The following TTC28 variants were observed in gnomAD, a reference collection of about 807,000 sequenced individuals.
TTC28 encodes the protein tetratricopeptide repeat domain 28.
Under a neutral mutation model 198.0 loss-of-function variants are expected in TTC28, and 61 were observed. The ratio of observed to expected loss-of-function variants is 0.31; its 90% CI spans 0.25 to 0.38. The LOEUF (loss-of-function observed/expected upper bound fraction) is 0.38, where lower values mean the gene tolerates loss of function less well. Ranked by LOEUF, TTC28 falls within the 10% of genes least tolerant of loss-of-function variation. TTC28 has a pLI of 1.00. For missense variants in TTC28, 2,678 were observed against 3,164.0 expected (o/e 0.85, Z 3.69); for synonymous variants, 1,171 against 1,297.8 (o/e 0.90, Z 2.10).
rs972779845 is a variant in TTC28 at position 28,168,886 on chromosome 22, C to A, written c.934-5287G>T. On this transcript the variant is annotated intron_variant, in intron 5 of 22. Coordinates refer to ENST00000397906, the MANE Select transcript of TTC28 (RefSeq NM_001145418.2). The stretch of plus-strand genomic sequence containing the variant: ...AAACTACCATCAGAGTGAACAGGCA[C>A]CCTACAGAATGGGAGAAAATTTTTG... Among the ~76,000 whole-genome samples the A allele has an allele frequency of 1.1e-3, 166 of 152,142 alleles. 1 individual carries two copies. Among genetic ancestry groups the A allele is most frequent in the Admixed American group, 1.3e-3 (20 of 15,276 alleles).
At chr22:28,199,136 T>C (rs1245340215) in intron 5 of TTC28, among the ~76,000 whole-genome samples, 1 of 151,890 alleles carries the variant, frequency 6.6e-6, no homozygotes, top group Non-Finnish European at 1.5e-5. Context: ...TATTTCTAAA[T>C]ACACTCTCTA....
At position 28,085,520 on chromosome 22, in the gene TTC28, A is replaced by G. The variant is rs548450910; in HGVS notation, c.3932+8560T>C. On this transcript the variant is annotated intron_variant, in intron 12 of 22. Transcript: ENST00000397906. ...AGAGCTCCTGAAGGAAGCACTAAACATGGAAAGGAACAACCGGTAGCAGCC... is the reference window on the plus strand; with the variant it reads ...AGAGCTCCTGAAGGAAGCACTAAACGTGGAAAGGAACAACCGGTAGCAGCC... Among the ~76,000 whole-genome samples, 348 of 152,316 alleles carry G rather than the reference A, an allele frequency of 2.3e-3. 3 individuals carry two copies. Among genetic ancestry groups the G allele is most frequent in the Admixed American group, 4.7e-3 (72 of 15,286 alleles).
At chr22:28,120,534 G>C (rs939951305) in intron 6 of TTC28, among the ~76,000 whole-genome samples, 1 of 152,124 alleles carries the variant, frequency 6.6e-6, no homozygotes, top group South Asian at 2.1e-4. Flanking sequence ...TTGCCTCTCT[G>C]AGAGTCTGAG....
intron 12 of TTC28, among the ~76,000 whole-genome samples, chr22:28,036,903 TAAAC>T (rs1348387786): frequency 6.6e-6 from 1 of 152,040 alleles, no homozygotes; most frequent in African/African-American, 2.4e-5. Flanking sequence ...TCTACGCAAA[TAAAC>T]TAGAAAATCT....
At chr22:28,230,812 A>G (rs992064212) in intron 5 of TTC28, among the ~76,000 whole-genome samples, 2 of 152,192 alleles carry the variant, frequency 1.3e-5, no homozygotes, top group Non-Finnish European at 2.9e-5. Flanking sequence ...ATTCATTCCA[A>G]TTCCAGGATT....
chr22:28,033,264 T>A (rs374108473), intron 12 of TTC28, among the ~76,000 whole-genome samples: 1 of 152,186 alleles, frequency 6.6e-6, no homozygotes, highest in South Asian at 2.1e-4. Flanking sequence ...AAGCAGGCGA[T>A]GTCACAGATA....
At chr22:28,109,622 C>T (rs951877109) in intron 6 of TTC28, among the ~76,000 whole-genome samples, 2 of 152,214 alleles carry the variant, frequency 1.3e-5, no homozygotes, top group African/African-American at 2.4e-5. Flanking sequence ...TTATATCATA[C>T]ATATCATAAC....
intron 2 of TTC28, among the ~76,000 whole-genome samples, chr22:28,595,821 G>A (rs1480521694): frequency 6.6e-6 from 1 of 152,168 alleles, no homozygotes; most frequent in Admixed American, 6.5e-5. Flanking sequence ...CTACTCGGGA[G>A]GCTGAGGCAG....
intron 5 of TTC28, among the ~76,000 whole-genome samples, chr22:28,272,278 G>C (rs1473727155): frequency 6.6e-6 from 1 of 152,296 alleles, no homozygotes; most frequent in East Asian, 1.9e-4. Flanking sequence ...CCAAATCAAG[G>C]TTGAATTGAT....
intron 2 of TTC28, among the ~76,000 whole-genome samples, chr22:28,526,989 C>T (rs2049015994): frequency 1.3e-5 from 2 of 151,984 alleles, no homozygotes; most frequent in African/African-American, 2.4e-5. Flanking sequence ...AGCTCCTGAC[C>T]TCAGGTGATC....
At chr22:28,467,188 A>G (rs1417460431) in intron 2 of TTC28, among the ~76,000 whole-genome samples, 2 of 152,242 alleles carry the variant, frequency 1.3e-5, no homozygotes, top group Non-Finnish European at 2.9e-5. Context: ...TGGGAGACCC[A>G]GGCAGGAGAC....
intron 5 of TTC28, among the ~76,000 whole-genome samples, chr22:28,284,794 A>T (rs1013222942): frequency 1.3e-5 from 2 of 152,196 alleles, no homozygotes; most frequent in African/African-American, 4.8e-5. Flanking sequence ...TCACAATAAG[A>T]TATCACCTCA....
intron 12 of TTC28, among the ~76,000 whole-genome samples, chr22:28,073,403 C>A (rs1485083519): frequency 6.6e-6 from 1 of 152,066 alleles, no homozygotes; most frequent in Admixed American, 6.5e-5. Flanking sequence ...ACCAAGAGTG[C>A]CCATAGTTTT....
intron 1 of TTC28, among the ~76,000 whole-genome samples, chr22:28,653,503 T>TAA (rs112597005): frequency 1.2e-3 from 173 of 138,738 alleles, no homozygotes; most frequent in African/African-American, 4.1e-3. Flanking sequence ...GACCTTGTCT[T>TAA]AAAAAAAAAA....
At chr22:28,084,747 A>G (rs1009202121) in intron 12 of TTC28, among the ~76,000 whole-genome samples, 1 of 152,122 alleles carries the variant, frequency 6.6e-6, no homozygotes, top group Non-Finnish European at 1.5e-5. Context: ...AATGGCAAAG[A>G]AGTTAAAAAC....
intron 2 of TTC28, among the ~76,000 whole-genome samples, chr22:28,528,732 T>C (rs1462578943): frequency 8.5e-6 from 1 of 117,556 alleles, no homozygotes; most frequent in African/African-American, 3.1e-5. Flanking sequence ...CAAGACCCTG[T>C]CTCATAAAAA....
intron 5 of TTC28, among the ~76,000 whole-genome samples, chr22:28,220,168 T>C (rs1445033892): frequency 1.3e-5 from 2 of 152,214 alleles, no homozygotes; most frequent in Non-Finnish European, 2.9e-5. Context: ...AATTGTTTGA[T>C]AAAGCACAAT....
At chr22:28,416,689 C>T (rs912939440) in intron 2 of TTC28, among the ~76,000 whole-genome samples, 1 of 152,182 alleles carries the variant, frequency 6.6e-6, no homozygotes, top group African/African-American at 2.4e-5. Context: ...TTAGATTACC[C>T]TTACCAATCT....
At chr22:28,475,067 G>A (rs142386699) in intron 2 of TTC28, among the ~76,000 whole-genome samples, 2,810 of 147,518 alleles carry the variant, frequency 0.019, 29 homozygotes, top group Non-Finnish European at 0.026. Flanking sequence ...GGAGAATGGC[G>A]TGAACCCAGG....
Sources: gnomAD v4.1 joint callset for allele counts (sites outside exome capture counted in the v4.1 genomes callset) on GRCh38, gnomAD v4.1.1 for gene constraint, MANE v1.5 for transcripts, NCBI Gene and HGNC (gene_info 2026-07-23, HGNC 2026-07-21) for gene names.